Variants in TMEM220 observed in about 807,000 individuals in gnomAD.
The protein encoded by TMEM220 is transmembrane protein 220.
TMEM220 carries 21 observed loss-of-function variants against 21.7 expected under a neutral mutation model. That is an observed-to-expected ratio of 0.97 (90% CI 0.69 to 1.39). The LOEUF (loss-of-function observed/expected upper bound fraction) is 1.39, where lower values mean the gene tolerates loss of function less well. Ranked by LOEUF, TMEM220 falls within the 40% of genes most tolerant of loss-of-function variation. The pLI, the probability that TMEM220 is intolerant of heterozygous loss-of-function variation, is 0.00. For synonymous variants in TMEM220, 80 were observed against 73.6 expected, an observed-to-expected ratio of 1.09 and a Z score of -0.45; for missense variants, 191 against 201.9, an observed-to-expected ratio of 0.95 and a Z score of 0.33.
chr17:10,721,545 T>C (rs2905217), intron 5 of TMEM220, among the ~76,000 whole-genome samples: 75,440 of 145,710 alleles, frequency 0.52, 20,003 homozygotes, highest in African/African-American at 0.66. Context: ...GCAGAGGTTG[T>C]AGTAAGCCAA....
intron 5 of TMEM220, among the ~76,000 whole-genome samples, chr17:10,721,751 C>T (rs1207797367): frequency 6.6e-6 from 1 of 151,314 alleles, no homozygotes; most frequent in Non-Finnish European, 1.5e-5. Flanking sequence ...AGATATTAGT[C>T]TCTCTGCTTT....
intron 3 of TMEM220, 57 bp from the exon 4 acceptor site, chr17:10,725,191 A>C: frequency 6.2e-7 from 1 of 1,603,870 alleles, no homozygotes; most frequent in South Asian, 1.1e-5. Flanking sequence ...CAGAAAAAAA[A>C]AATGATCTTT....
chr17:10,727,469 T>C (rs996847765), intron 2 of TMEM220, among the ~76,000 whole-genome samples: 2 of 152,154 alleles, frequency 1.3e-5, no homozygotes, highest in Non-Finnish European at 2.9e-5. Flanking sequence ...GGAAAGATGC[T>C]AGGTAGGTCC....
chr17:10,726,443 G>C, intron 2 of TMEM220, 179 bp from the exon 3 acceptor site: 1 of 615,226 alleles, frequency 1.6e-6, no homozygotes, highest in South Asian at 1.9e-5. Flanking sequence ...CACTTAGCAC[G>C]TCTGCCTGCA....
chr17:10,718,553 A>T (rs189752438), intron 5 of TMEM220, among the ~76,000 whole-genome samples: 521 of 117,822 alleles, frequency 4.4e-3, no homozygotes, highest in African/African-American at 0.036. Flanking sequence ...CTGGAAGCTT[A>T]AAAAAAAAAT....
At chr17:10,716,714 G>A (rs1021551266) in intron 5 of TMEM220, among the ~76,000 whole-genome samples, 18 of 152,138 alleles carry the variant, frequency 1.2e-4, no homozygotes, top group African/African-American at 4.3e-4. Flanking sequence ...TGAAAAGACT[G>A]CCTTCTCAGC....
At chr17:10,720,912 C>T (rs911057695) in intron 5 of TMEM220, among the ~76,000 whole-genome samples, 1 of 152,026 alleles carries the variant, frequency 6.6e-6, no homozygotes, top group South Asian at 2.1e-4. Flanking sequence ...AGAAATTTTG[C>T]CATGATTAAA....
chr17:10,717,725 G>A (rs1192264984), intron 5 of TMEM220, among the ~76,000 whole-genome samples: 1 of 151,760 alleles, frequency 6.6e-6, no homozygotes, highest in African/African-American at 2.4e-5. Flanking sequence ...ATTGAAAGTT[G>A]GTATTATTTT....
intron 5 of TMEM220, among the ~76,000 whole-genome samples, chr17:10,723,034 G>A (rs961064832): frequency 2.0e-5 from 3 of 147,166 alleles, no homozygotes; most frequent in African/African-American, 7.6e-5. Context: ...AGGCTGGAGT[G>A]CAGTGGCACA....
chr17:10,727,580 AAAT>A (rs2075062385), intron 2 of TMEM220, among the ~76,000 whole-genome samples: 1 of 152,154 alleles, frequency 6.6e-6, no homozygotes, highest in Non-Finnish European at 1.5e-5. Context: ...GTCTGCAGGG[AAAT>A]AATATTTGGA....
rs751793956 is a variant in TMEM220, at chr17:10,724,979, T to C, written c.287+32A>G. 6 of 1,613,752 alleles carry C rather than the reference T, an allele frequency of 3.7e-6. No individual in the cohort carries two copies. In the South Asian group the frequency reaches 6.6e-5, roughly 18 times the overall value. On this transcript the variant is annotated intron_variant, in intron 4 of 5. Coordinates refer to ENST00000341871, the MANE Select transcript of TMEM220 (RefSeq NM_001004313.3). ...ATTCCTTAGTTCTATCCCACAGTTC[T>C]ATCCCTCCACAGGGTAACCGTCACC...
intron 2 of TMEM220, among the ~76,000 whole-genome samples, chr17:10,727,809 C>T (rs962706161): frequency 4.6e-5 from 7 of 152,084 alleles, no homozygotes; most frequent in African/African-American, 1.2e-4. Context: ...GTGTACTGTA[C>T]AGTCTTGTGT....
intron 5 of TMEM220, among the ~76,000 whole-genome samples, chr17:10,718,521 G>A (rs1019278167): frequency 2.0e-4 from 30 of 150,084 alleles, no homozygotes; most frequent in East Asian, 5.8e-4. Flanking sequence ...CTAACTTCTT[G>A]AAATGAAAAA....
chr17:10,716,569 C>A, intron 5 of TMEM220: 1 of 548,146 alleles, frequency 1.8e-6, no homozygotes, highest in South Asian at 1.5e-5. Flanking sequence ...CCACCGCGGT[C>A]TGCACCCAAC....
rs1247768636 is a variant in TMEM220 at position 10,729,870 on chromosome 17, CGGGGCGGTGAGTCCTGCCACGTGCG to C, written c.-44_-20del. 3.1e-6 allele frequency: 4 copies of C among 1,292,776 alleles called. No homozygotes were observed. In the East Asian group the frequency reaches 1.2e-4, roughly 40 times the overall value. The allele number at this position is 1,292,776 out of a possible 1,614,324, so 80.1% of individuals were successfully genotyped here. On this transcript the variant is annotated 5_prime_UTR_variant, in exon 1 of 6. Transcript: ENST00000341871. ...GCGCCATGGCTCGGAGAACACGGCG[CGGGGCGGTGAGTCCTGCCACGTGCG>C]GGGCGGTGAGTCCTGCCACGTACGG... is the stretch of plus-strand genomic sequence containing the variant.
At chr17:10,711,275 G>A (rs944490453), downstream of TMEM220, 1 of 738,562 alleles carries the variant, frequency 1.4e-6, no homozygotes, top group Non-Finnish European at 2.2e-6. Flanking sequence ...TTCAGTGTGT[G>A]ATGGTTGATA....
chr17:10,727,108 G>A (rs1010752223), intron 2 of TMEM220, among the ~76,000 whole-genome samples: 2 of 152,086 alleles, frequency 1.3e-5, no homozygotes, highest in African/African-American at 2.4e-5. Flanking sequence ...CTATTATATC[G>A]TCTGAGCATG....
intron 2 of TMEM220, 94 bp downstream of exon 2, chr17:10,728,937 G>T: frequency 7.5e-7 from 1 of 1,324,668 alleles, no homozygotes; most frequent in Non-Finnish European, 1.1e-6. Flanking sequence ...AGAAAATTAA[G>T]CAGGGAGGAG....
At chr17:10,711,834 C>T (rs567828310), downstream of TMEM220, among the ~76,000 whole-genome samples, 27 of 152,332 alleles carry the variant, frequency 1.8e-4, no homozygotes, top group African/African-American at 6.0e-4. Flanking sequence ...ACATGTTTAA[C>T]ACCGTTTTCA....
Sources: gnomAD v4.1 joint callset for allele counts (sites outside exome capture counted in the v4.1 genomes callset) on GRCh38, gnomAD v4.1.1 for gene constraint, MANE v1.5 for transcripts, NCBI Gene and HGNC (gene_info 2026-07-23, HGNC 2026-07-21) for gene names.